MAGT1: variants seen among roughly 807,000 people sequenced by gnomAD.
The protein encoded by MAGT1 is magnesium transporter 1.
MAGT1 carries 4 observed loss-of-function variants against 28.4 expected under a neutral mutation model. That is an observed-to-expected ratio of 0.14 (90% CI 0.07 to 0.32). MAGT1 has a LOEUF of 0.32. Among genes scored for constraint, MAGT1 ranks in the 10% least tolerant of loss-of-function variants. MAGT1 has a pLI of 1.00. For missense variants in MAGT1, 193 were observed against 264.5 expected, an observed-to-expected ratio of 0.73 and a Z score of 1.88; for synonymous variants, 89 against 89.7, an observed-to-expected ratio of 0.99 and a Z score of 0.04.
chrX:77,833,358 C>G (rs1313760611), intron 8 of MAGT1, among the ~76,000 whole-genome samples: 1 of 112,194 alleles, frequency 8.9e-6, no homozygotes, highest in Non-Finnish European at 1.9e-5. Flanking sequence ...GTATATTATT[C>G]TATTTACAGC....
At chrX:77,875,704 A>C (rs2077031596) in intron 1 of MAGT1, 107 bp from the exon 2 acceptor site, 1 of 822,481 alleles carries the variant, frequency 1.2e-6, no homozygotes, top group Admixed American at 2.6e-5. Context: ...AGAGGTATAC[A>C]GAAAATGTGA....
chrX:77,893,217 C>T (rs1228424817), intron 1 of MAGT1, among the ~76,000 whole-genome samples: 2 of 112,105 alleles, frequency 1.8e-5, no homozygotes, highest in African/African-American at 6.5e-5. Context: ...CACCTGGAGG[C>T]ACCAAGAAAA....
intron 8 of MAGT1, among the ~76,000 whole-genome samples, chrX:77,838,541 T>C (rs2076926229): frequency 9.1e-6 from 1 of 109,520 alleles, no homozygotes; most frequent in Non-Finnish European, 1.9e-5. Context: ...AGGCACATCA[T>C]GAGGTCAGGA....
At chrX:77,834,427 T>G (rs1159261993) in intron 8 of MAGT1, among the ~76,000 whole-genome samples, 1 of 106,965 alleles carries the variant, frequency 9.3e-6, no homozygotes, top group Non-Finnish European at 1.9e-5. Flanking sequence ...CTCCACTTCC[T>G]GGGCCAAGCA....
chrX:77,864,246 T>C (rs1557216689), intron 3 of MAGT1, among the ~76,000 whole-genome samples: 1 of 71,474 alleles, frequency 1.4e-5, no homozygotes, highest in African/African-American at 5.8e-5. Flanking sequence ...GAAGAGTGTA[T>C]GTGTGTGTGT....
At chrX:77,848,862 A>T (rs2076959272) in intron 7 of MAGT1, among the ~76,000 whole-genome samples, 1 of 109,495 alleles carries the variant, frequency 9.1e-6, no homozygotes, top group Non-Finnish European at 1.9e-5. Context: ...AAAAATACAA[A>T]AATTAGCTGG....
At chrX:77,842,391 C>CA (rs201760155) in intron 7 of MAGT1, among the ~76,000 whole-genome samples, 52 of 106,724 alleles carry the variant, frequency 4.9e-4, no homozygotes, top group Admixed American at 6.1e-4. Flanking sequence ...TAGACTGTGT[C>CA]AAAAAAAAAA....
intron 1 of MAGT1, among the ~76,000 whole-genome samples, chrX:77,889,361 C>CAT (rs201957924): frequency 6.0e-4 from 59 of 98,928 alleles, no homozygotes; most frequent in Middle Eastern, 0.01. Flanking sequence ...TATATATGTA[C>CAT]ATATATATAT....
chrX:77,858,471 G>A (rs1431388338), intron 3 of MAGT1, among the ~76,000 whole-genome samples: 18 of 111,642 alleles, frequency 1.6e-4, no homozygotes, highest in Admixed American at 9.7e-4. Context: ...GTTTACAGGC[G>A]TGAGCCACCG....
intron 3 of MAGT1, among the ~76,000 whole-genome samples, chrX:77,862,035 T>A (rs868942590): frequency 5.4e-5 from 6 of 111,423 alleles, no homozygotes; most frequent in Non-Finnish European, 1.1e-4. Context: ...GTAAACATAA[T>A]AAATTTTATA....
At chrX:77,864,266 C>CGGGGGGGG (rs2077002623) in intron 3 of MAGT1, among the ~76,000 whole-genome samples, 1 of 1,168 alleles carries the variant, frequency 8.6e-4, no homozygotes, top group Non-Finnish European at 1.5e-3. Flanking sequence ...TTGTGGTGGG[C>CGGGGGGGG]GGGGTGGGGG....
chrX:77,875,619 T>G (rs782258222), intron 1 of MAGT1, 22 bp from the exon 2 acceptor site: 3 of 1,192,033 alleles, frequency 2.5e-6, no homozygotes, highest in Non-Finnish European at 3.4e-6. Context: ...AAAGTGAGCA[T>G]GCTATTAATA....
rs950209997 is a variant in MAGT1 at position 77,874,752 on chromosome X, C to T, written c.272+676G>A. ...AATAGTAGGATATTTGCTTTACCTA[C>T]CTTTTGGGATTTTGACAATACAAGA... On this transcript the variant is annotated intron_variant, in intron 2 of 9. Coordinates refer to ENST00000618282, the MANE Select transcript of MAGT1 (RefSeq NM_001367916.1). Among the ~76,000 whole-genome samples the T allele has an allele frequency of 6.3e-5, 7 of 111,003 alleles. No individual in the cohort carries two copies. In the South Asian group the frequency reaches 2.6e-3, roughly 41 times the overall value.
intron 1 of MAGT1, among the ~76,000 whole-genome samples, chrX:77,881,761 T>C (rs374812499): frequency 1.2e-4 from 13 of 111,403 alleles, no homozygotes; most frequent in Admixed American, 6.8e-4. Flanking sequence ...ATGATTTATA[T>C]TCCTTTGGGT....
In MAGT1 at chrX:77,875,553, G is replaced by A; in HGVS notation, c.147C>T (p.Asn49=). 1 of 1,209,093 alleles carries A rather than the reference G, an allele frequency of 8.3e-7. No individual in the cohort carries two copies. The highest frequency in any genetic ancestry group is 1.1e-6 in the Non-Finnish European group (1 of 894,336). ...CATTCATTCTTATTACAGGTCTTTT[G>A]TTAGTCCATTCCATCAGCTGACTAA... The part of the protein sequence containing the change: ...EKVSQLMEWT[N]KRPVIRMNGD... The change falls in exon 2 of 10, where the codon AAC becomes AAT. Residue 49 remains asparagine (N), a synonymous_variant. Coordinates refer to ENST00000618282, the MANE Select transcript of MAGT1 (RefSeq NM_001367916.1).
rs1445408648 is a variant in MAGT1 at position 77,865,274 on chromosome X, C to G, written c.390+5534G>C. ...GGCTCTGCCATTAACTAAGTAGTAACTATATTCTTTTATTTATTTATTTAT... is the reference window on the plus strand; with the variant it reads ...GGCTCTGCCATTAACTAAGTAGTAAGTATATTCTTTTATTTATTTATTTAT... On this transcript the variant is annotated intron_variant, in intron 3 of 9. Coordinates refer to ENST00000618282, the MANE Select transcript of MAGT1 (RefSeq NM_001367916.1). Among the ~76,000 whole-genome samples, 5 of 110,852 alleles carry G rather than the reference C, an allele frequency of 4.5e-5. No homozygotes were observed. The East Asian group carries it at 1.4e-3, about 31-fold the overall frequency.
chrX:77,867,501 A>G (rs1557216978), intron 3 of MAGT1, among the ~76,000 whole-genome samples: 1 of 66,560 alleles, frequency 1.5e-5, no homozygotes, highest in African/African-American at 3.5e-5. Context: ...GGTTTGGGGA[A>G]CCTATGACAT....
At chrX:77,886,972 G>C (rs148538750) in intron 1 of MAGT1, among the ~76,000 whole-genome samples, 1 of 112,150 alleles carries the variant, frequency 8.9e-6, no homozygotes, top group Non-Finnish European at 1.9e-5. Flanking sequence ...GTTGAAGAAT[G>C]TGATATTCTA....
upstream of MAGT1, chrX:77,895,568 C>A (rs2077097510): frequency 9.8e-7 from 1 of 1,017,405 alleles, no homozygotes; most frequent in Non-Finnish European, 1.3e-6. Context: ...TGGCGCTACA[C>A]GCCCGCTAAA....
Sources: gnomAD v4.1 joint callset for allele counts (sites outside exome capture counted in the v4.1 genomes callset) on GRCh38, gnomAD v4.1.1 for gene constraint, MANE v1.5 for transcripts, NCBI Gene and HGNC (gene_info 2026-07-23, HGNC 2026-07-21) for gene names.